The following TBC1D19 variants were observed in gnomAD, a reference collection of about 807,000 sequenced individuals.
TBC1D19 encodes the protein TBC1 domain family, member 19.
A neutral mutation model predicts 89.0 loss-of-function variants in TBC1D19; 60 were observed. That is an observed-to-expected ratio of 0.67 (90% CI 0.55 to 0.84). The LOEUF (loss-of-function observed/expected upper bound fraction) is 0.84. Among genes scored for constraint, TBC1D19 ranks in the 40% least tolerant of loss-of-function variants. The pLI, the probability that TBC1D19 is intolerant of heterozygous loss-of-function variation, is 0.00. For synonymous variants in TBC1D19, 189 were observed against 199.7 expected (o/e 0.95, Z 0.45); for missense variants, 500 against 610.8 (o/e 0.82, Z 1.91).
chr4:26,765,285 C>T, the TBC1D19 span, among the ~76,000 whole-genome samples: 8 of 151,958 alleles, frequency 5.3e-5, no homozygotes, highest in African/African-American at 1.2e-4. Context: ...GAAGCACTTT[C>T]GGGGAGGAGA....
At chr4:26,838,347 G>A in the TBC1D19 span, among the ~76,000 whole-genome samples, 1 of 152,192 alleles carries the variant, frequency 6.6e-6, no homozygotes, top group East Asian at 1.9e-4. Context: ...ATTTATTAGT[G>A]TCAAAGGTTG....
At chr4:26,634,805 T>G (rs1743025652) in intron 4 of TBC1D19, among the ~76,000 whole-genome samples, 1 of 152,098 alleles carries the variant, frequency 6.6e-6, no homozygotes, top group Non-Finnish European at 1.5e-5. Flanking sequence ...GGCTATATGG[T>G]TTGTCTGTGA....
At chr4:26,619,171 C>T (rs2110029167) in intron 3 of TBC1D19, among the ~76,000 whole-genome samples, 1 of 151,336 alleles carries the variant, frequency 6.6e-6, no homozygotes, top group African/African-American at 2.4e-5. Context: ...CTATTAAGAT[C>T]ATCAGTAAAG....
chr4:26,766,448 C>A, the TBC1D19 span, among the ~76,000 whole-genome samples: 1 of 152,166 alleles, frequency 6.6e-6, no homozygotes, highest in Non-Finnish European at 1.5e-5. Context: ...ACTTCTCTTA[C>A]CAATATAAAT....
chr4:26,732,718 A>G (rs1717739941), intron 15 of TBC1D19, among the ~76,000 whole-genome samples: 1 of 152,210 alleles, frequency 6.6e-6, no homozygotes, highest in African/African-American at 2.4e-5. Context: ...AGCCATTCTT[A>G]GCTCACAGGC....
the TBC1D19 span, among the ~76,000 whole-genome samples, chr4:26,772,254 T>C: frequency 1.3e-5 from 2 of 152,040 alleles, no homozygotes; most frequent in Non-Finnish European, 2.9e-5. Context: ...TTACAAAGGC[T>C]TTACCTCGCA....
intron 8 of TBC1D19, 36 bp downstream of exon 8, chr4:26,659,743 A>G: frequency 7.3e-7 from 1 of 1,367,890 alleles, no homozygotes; most frequent in Non-Finnish European, 1.0e-6. Context: ...CATCATTTAG[A>G]AGATAACCAT....
the TBC1D19 span, among the ~76,000 whole-genome samples, chr4:26,798,123 A>T: frequency 6.6e-6 from 1 of 152,190 alleles, no homozygotes; most frequent in Admixed American, 6.5e-5. Context: ...ATAGAATGGG[A>T]AAAGTATTTG....
At chr4:26,800,699 T>C in the TBC1D19 span, among the ~76,000 whole-genome samples, 1 of 152,260 alleles carries the variant, frequency 6.6e-6, no homozygotes, top group African/African-American at 2.4e-5. Flanking sequence ...ATCCTCATTC[T>C]AACTGGTGTG....
the TBC1D19 span, chr4:26,857,910 T>C: frequency 6.6e-6 from 1 of 152,252 alleles, no homozygotes; most frequent in Non-Finnish European, 1.5e-5. Context: ...TAGTTTGGGA[T>C]TTGCAAGAAA....
At chr4:26,658,899 G>A (rs2109072896) in intron 7 of TBC1D19, among the ~76,000 whole-genome samples, 1 of 152,200 alleles carries the variant, frequency 6.6e-6, no homozygotes, top group East Asian at 1.9e-4. Context: ...TGTTATTGGT[G>A]TATAGGAATG....
chr4:26,772,110 G>A, the TBC1D19 span, among the ~76,000 whole-genome samples: 2 of 145,700 alleles, frequency 1.4e-5, no homozygotes, highest in African/African-American at 5.1e-5. Context: ...ACATAAGGTA[G>A]TTTTAGCCCT....
upstream of TBC1D19, among the ~76,000 whole-genome samples, chr4:26,580,271 C>CT (rs141142416): frequency 7.3e-5 from 11 of 151,378 alleles, no homozygotes; most frequent in South Asian, 2.1e-4. Context: ...GCAGAAGGGG[C>CT]TTTTTTTTTC....
At chr4:26,739,344 A>G (rs956075454) in intron 16 of TBC1D19, among the ~76,000 whole-genome samples, 1 of 152,206 alleles carries the variant, frequency 6.6e-6, no homozygotes, top group African/African-American at 2.4e-5. Flanking sequence ...GACCAGTAGT[A>G]TACAGCTATT....
chr4:26,673,446 T>TATATATATATACACAC (rs373807642), intron 10 of TBC1D19, among the ~76,000 whole-genome samples: 27 of 90,858 alleles, frequency 3.0e-4, no homozygotes, highest in South Asian at 9.1e-4. Context: ...TATATATATA[T>TATATATATATACACAC]ACACACACAC....
intron 13 of TBC1D19, among the ~76,000 whole-genome samples, chr4:26,694,015 G>A (rs747562071): frequency 6.6e-6 from 1 of 152,026 alleles, no homozygotes; most frequent in African/African-American, 2.4e-5. Context: ...CTGAGGTACC[G>A]GGTTCACCTC....
intron 7 of TBC1D19, among the ~76,000 whole-genome samples, chr4:26,654,228 G>T (rs1207507412): frequency 2.6e-5 from 4 of 152,140 alleles, no homozygotes; most frequent in Non-Finnish European, 5.9e-5. Flanking sequence ...TTGTAGAGTT[G>T]CTGCTGAGAG....
intron 19 of TBC1D19, among the ~76,000 whole-genome samples, chr4:26,752,900 TCTC>T: frequency 6.6e-6 from 1 of 152,284 alleles, no homozygotes; most frequent in South Asian, 2.1e-4. Flanking sequence ...TCAAGACACT[TCTC>T]CTGCCTCAGC....
chr4:26,733,353 G>A (rs80086902), intron 15 of TBC1D19, among the ~76,000 whole-genome samples: 1,992 of 152,248 alleles, frequency 0.013, 16 homozygotes, highest in Middle Eastern at 0.024. Flanking sequence ...ATTAATGGCT[G>A]AGCCACAACT....
Sources: allele counts gnomAD v4.1 joint callset (sites outside exome capture counted in the v4.1 genomes callset), GRCh38; gene constraint gnomAD v4.1.1; transcripts MANE v1.5; gene names NCBI Gene and HGNC (gene_info 2026-07-23, HGNC 2026-07-21).